The following RABGAP1 variants were observed in gnomAD, a reference collection of about 807,000 sequenced individuals.
RABGAP1 encodes the protein RAB GTPase activating protein 1.
A neutral mutation model predicts 137.6 loss-of-function variants in RABGAP1; 23 were observed. The observed-to-expected ratio is 0.17, with a 90% CI of 0.12 to 0.24. The LOEUF is 0.24. Ranked by LOEUF, RABGAP1 falls within the 10% of genes least tolerant of loss-of-function variation. The probability of loss-of-function intolerance (pLI) is 1.00; values close to 1 mark genes in which losing one functional copy is unlikely to be tolerated. For missense variants in RABGAP1, 906 were observed against 1,275.8 expected, an observed-to-expected ratio of 0.71 and a Z score of 4.42; for synonymous variants, 451 against 450.7, an observed-to-expected ratio of 1.00 and a Z score of -0.01.
At chr9:122,961,344 T>C (rs998013103) in intron 2 of RABGAP1, among the ~76,000 whole-genome samples, 9 of 152,010 alleles carry the variant, frequency 5.9e-5, no homozygotes, top group Admixed American at 5.2e-4. Flanking sequence ...AGCAAAAAAA[T>C]GGAGGCAAGA....
intron 13 of RABGAP1, among the ~76,000 whole-genome samples, chr9:123,049,361 T>TA (rs1281053131): frequency 6.6e-6 from 1 of 151,954 alleles, no homozygotes; most frequent in African/African-American, 2.4e-5. Flanking sequence ...GTAAAGGGAG[T>TA]AGAGTCATTT....
At chr9:123,044,288 G>A (rs889531982) in intron 13 of RABGAP1, among the ~76,000 whole-genome samples, 3 of 152,174 alleles carry the variant, frequency 2.0e-5, no homozygotes, top group Non-Finnish European at 4.4e-5. Flanking sequence ...TCGGGAAGGA[G>A]GCCCAGGTAT....
At chr9:122,952,858 C>A (rs1312218346) in intron 1 of RABGAP1, among the ~76,000 whole-genome samples, 1 of 152,196 alleles carries the variant, frequency 6.6e-6, no homozygotes, top group Non-Finnish European at 1.5e-5. Context: ...TGCTTACCTA[C>A]CAAATACCAG....
intron 13 of RABGAP1, among the ~76,000 whole-genome samples, chr9:123,041,571 C>T (rs1408527939): frequency 6.6e-6 from 1 of 152,100 alleles, no homozygotes; most frequent in East Asian, 1.9e-4. Flanking sequence ...ATGCATATTT[C>T]TGTTAACTCC....
intron 12 of RABGAP1, among the ~76,000 whole-genome samples, chr9:123,016,688 C>G (rs184494632): frequency 6.6e-6 from 1 of 152,146 alleles, no homozygotes; most frequent in South Asian, 2.1e-4. Context: ...CTGAACACTT[C>G]TCTATTTCTG....
intron 11 of RABGAP1, among the ~76,000 whole-genome samples, chr9:123,014,908 A>G (rs1740433165): frequency 1.3e-5 from 2 of 152,062 alleles, no homozygotes; most frequent in African/African-American, 4.8e-5. Context: ...ATGCTTATAA[A>G]ACCATCAGAT....
At chr9:123,037,696 A>G (rs2032734029) in intron 13 of RABGAP1, among the ~76,000 whole-genome samples, 1 of 152,232 alleles carries the variant, frequency 6.6e-6, no homozygotes, top group South Asian at 2.1e-4. Flanking sequence ...AAAAATTGAT[A>G]TTAAATCAGC....
chr9:123,059,955 G>A (rs1011574424), intron 13 of RABGAP1, among the ~76,000 whole-genome samples: 1 of 152,162 alleles, frequency 6.6e-6, no homozygotes, highest in Non-Finnish European at 1.5e-5. Flanking sequence ...TCTGCCTTTG[G>A]GTGATGCACT....
intron 13 of RABGAP1, among the ~76,000 whole-genome samples, chr9:123,024,815 A>G (rs2031861730): frequency 6.6e-6 from 1 of 152,172 alleles, no homozygotes; most frequent in South Asian, 2.1e-4. Context: ...TTCTTTGTAC[A>G]TTTATCTATG....
upstream of RABGAP1, among the ~76,000 whole-genome samples, chr9:122,936,565 G>A (rs1241901195): frequency 1.3e-5 from 2 of 152,202 alleles, no homozygotes; most frequent in East Asian, 1.9e-4. Flanking sequence ...GCACGCAGCT[G>A]TATCCACATT....
At chr9:122,998,086 T>A (rs568729389) in intron 9 of RABGAP1, among the ~76,000 whole-genome samples, 146 of 152,164 alleles carry the variant, frequency 9.6e-4, no homozygotes, top group East Asian at 1.7e-3. Flanking sequence ...TGTTTTATTT[T>A]TTTTATTTTA....
chr9:123,053,035 A>G (rs896274709), intron 13 of RABGAP1, among the ~76,000 whole-genome samples: 1 of 152,228 alleles, frequency 6.6e-6, no homozygotes, highest in Non-Finnish European at 1.5e-5. Context: ...GGCTAAGAAT[A>G]CTATACACAC....
chr9:122,995,873 A>C (rs1365948550), intron 6 of RABGAP1, among the ~76,000 whole-genome samples, 168 bp from the exon 7 acceptor site: 9 of 152,150 alleles, frequency 5.9e-5, no homozygotes, highest in African/African-American at 2.2e-4. Context: ...CTAGACTCAA[A>C]TGATGTTTTC....
rs2035434472 is a variant in RABGAP1 at position 123,104,220 on chromosome 9, G to A, written c.*1007G>A. 1 of 152,572 alleles carries A rather than the reference G, an allele frequency of 6.6e-6. No homozygotes were observed. The highest frequency in any genetic ancestry group is 6.5e-5 in the Admixed American group (1 of 15,274). The allele number at this position is 152,572 out of a possible 1,614,324, so 9.5% of individuals were successfully genotyped here. ...TGTTTTTGCACAACAGGTTGTCCAA[G>A]TGAGAAAGACTGAGTTGCGTGTCTG... On this transcript the variant is annotated 3_prime_UTR_variant, in exon 26 of 26. Coordinates refer to ENST00000373647, the MANE Select transcript of RABGAP1 (RefSeq NM_012197.4).
At chr9:122,988,935 C>T in intron 4 of RABGAP1, among the ~76,000 whole-genome samples, 1 of 135,716 alleles carries the variant, frequency 7.4e-6, no homozygotes, top group South Asian at 2.3e-4. Context: ...AAGAGCGAAA[C>T]TTGTCTCAAA....
chr9:122,937,346 C>T (rs1285627286), upstream of RABGAP1, among the ~76,000 whole-genome samples: 2 of 152,248 alleles, frequency 1.3e-5, no homozygotes, highest in African/African-American at 4.8e-5. Context: ...CGCCTGTAAT[C>T]CCAGCGCTTT....
At chr9:123,004,376 C>A (rs1279704435) in intron 10 of RABGAP1, among the ~76,000 whole-genome samples, 1 of 152,120 alleles carries the variant, frequency 6.6e-6, no homozygotes, top group Non-Finnish European at 1.5e-5. Context: ...CAGCCTTGAC[C>A]TCCTGGGCTC....
chr9:122,957,567 A>C (rs1834594165), intron 2 of RABGAP1, among the ~76,000 whole-genome samples: 1 of 152,092 alleles, frequency 6.6e-6, no homozygotes, highest in Non-Finnish European at 1.5e-5. Context: ...GCTATTTATG[A>C]AAATGTGTTT....
intron 2 of RABGAP1, among the ~76,000 whole-genome samples, chr9:122,976,802 C>T (rs1480168317): frequency 6.6e-6 from 1 of 152,132 alleles, no homozygotes; most frequent in Non-Finnish European, 1.5e-5. Context: ...AACATATATG[C>T]TAATATTATG....
Sources: allele counts gnomAD v4.1 joint callset (sites outside exome capture counted in the v4.1 genomes callset), GRCh38; gene constraint gnomAD v4.1.1; transcripts MANE v1.5; gene names NCBI Gene and HGNC (gene_info 2026-07-23, HGNC 2026-07-21).